Variants in ZNF385D observed in about 807,000 individuals in gnomAD.
ZNF385D encodes zinc finger protein 659.
Under a neutral mutation model 35.8 loss-of-function variants are expected in ZNF385D, and 15 were observed. That is an observed-to-expected ratio of 0.42 (90% CI 0.28 to 0.64). ZNF385D has a LOEUF of 0.64. ZNF385D is among the 30% of genes least tolerant of loss of function. ZNF385D has a pLI of 0.23. For synonymous variants in ZNF385D, 212 were observed against 186.8 expected, an observed-to-expected ratio of 1.13 and a Z score of -1.10; for missense variants, 474 against 494.6, an observed-to-expected ratio of 0.96 and a Z score of 0.39.
At chr3:21,795,469 T>C (rs539442639) in intron 3 of ZNF385D, among the ~76,000 whole-genome samples, 109 of 152,248 alleles carry the variant, frequency 7.2e-4, no homozygotes, top group Non-Finnish European at 1.2e-3. Context: ...AAAGAAAAGC[T>C]GGGTCTAAAA....
At chr3:22,354,650 C>A (rs1273025091) in intron 2 of ZNF385D, among the ~76,000 whole-genome samples, 1 of 151,936 alleles carries the variant, frequency 6.6e-6, no homozygotes, top group East Asian at 1.9e-4. Flanking sequence ...CCATCAGGCA[C>A]GTTGTCTTCA....
intron 2 of ZNF385D, among the ~76,000 whole-genome samples, chr3:22,296,519 G>A (rs1271568712): frequency 2.0e-5 from 3 of 152,114 alleles, no homozygotes; most frequent in East Asian, 1.9e-4. Context: ...GACAGGGAAC[G>A]CCTTCAGACC....
chr3:22,095,723 T>C (rs1701582645), intron 3 of ZNF385D, among the ~76,000 whole-genome samples: 1 of 152,066 alleles, frequency 6.6e-6, no homozygotes, highest in Admixed American at 6.6e-5. Context: ...AAGTATTCTT[T>C]ATTTTCTTTC....
intron 3 of ZNF385D, among the ~76,000 whole-genome samples, chr3:21,542,103 T>G (rs1376017391): frequency 6.6e-6 from 1 of 152,142 alleles, no homozygotes; most frequent in Non-Finnish European, 1.5e-5. Context: ...AAAACAAGCT[T>G]TCAGAATCAT....
intron 1 of ZNF385D, among the ~76,000 whole-genome samples, chr3:21,695,756 A>ATT (rs1559526848): frequency 1.4e-5 from 2 of 142,930 alleles, no homozygotes; most frequent in East Asian, 2.2e-4. Flanking sequence ...TTAAATATAT[A>ATT]TTATATATAT....
chr3:21,939,514 A>G (rs761634858), intron 3 of ZNF385D, among the ~76,000 whole-genome samples: 1 of 152,208 alleles, frequency 6.6e-6, no homozygotes, highest in African/African-American at 2.4e-5. Flanking sequence ...ATTGTAAATT[A>G]TAAGTTGCAT....
chr3:21,792,359 C>G (rs991851633), intron 3 of ZNF385D, among the ~76,000 whole-genome samples: 1 of 152,142 alleles, frequency 6.6e-6, no homozygotes, highest in Non-Finnish European at 1.5e-5. Flanking sequence ...TCCCCTACCC[C>G]ACTACAGCCC....
intron 3 of ZNF385D, among the ~76,000 whole-genome samples, chr3:22,036,466 A>G (rs1315868809): frequency 6.6e-6 from 1 of 152,322 alleles, no homozygotes; most frequent in East Asian, 1.9e-4. Context: ...CGAGAAATTC[A>G]CAAACCAAGG....
intron 2 of ZNF385D, among the ~76,000 whole-genome samples, chr3:22,293,012 A>T (rs1003469022): frequency 1.4e-4 from 22 of 152,076 alleles, no homozygotes; most frequent in African/African-American, 5.3e-4. Flanking sequence ...ATCTCCATTG[A>T]TTTCAACAGT....
At chr3:22,209,534 A>G (rs1697379011) in intron 2 of ZNF385D, among the ~76,000 whole-genome samples, 1 of 151,914 alleles carries the variant, frequency 6.6e-6, no homozygotes, top group Non-Finnish European at 1.5e-5. Context: ...GGAAAAAAAT[A>G]TAAACATGAA....
At chr3:22,101,493 G>A (rs1701943212) in intron 3 of ZNF385D, among the ~76,000 whole-genome samples, 2 of 152,060 alleles carry the variant, frequency 1.3e-5, no homozygotes, top group Admixed American at 6.6e-5. Flanking sequence ...ATCAGCAGAT[G>A]TAAGGTTTAA....
At chr3:22,123,927 TCTCTCTCTC>T (rs1703254602) in intron 3 of ZNF385D, among the ~76,000 whole-genome samples, 1 of 54,300 alleles carries the variant, frequency 1.8e-5, no homozygotes, top group Non-Finnish European at 3.8e-5. Context: ...ACTCCATCTC[TCTCTCTCTC>T]TCTCTCTCTC....
At chr3:21,948,741 C>G (rs1221531656) in intron 3 of ZNF385D, among the ~76,000 whole-genome samples, 1 of 151,988 alleles carries the variant, frequency 6.6e-6, no homozygotes, top group Non-Finnish European at 1.5e-5. Context: ...TTCTCAATTT[C>G]ATTGTTCACT....
intron 2 of ZNF385D, among the ~76,000 whole-genome samples, chr3:22,349,254 T>C (rs1266435075): frequency 1.3e-5 from 2 of 152,118 alleles, no homozygotes; most frequent in East Asian, 3.9e-4. Context: ...GGCTGAATAG[T>C]AGCAGCAGCA....
chr3:22,318,488 G>C lies in ZNF385D; in HGVS notation c.106+53962C>G, dbSNP rs149317395. Among the ~76,000 whole-genome samples, 42 of 152,234 alleles carry C rather than the reference G, an allele frequency of 2.8e-4. 1 individual carries two copies. The East Asian group carries it at 7.9e-3, about 29-fold the overall frequency. On this transcript the variant is annotated intron_variant, in intron 2 of 5. Transcript: ENST00000494108. ...AAAATTATGGAGCTGGAGATGTGGA[G>C]AATAAACTAGGAGATAAATTAAATT...
At chr3:21,818,160 A>C (rs917298429) in intron 3 of ZNF385D, among the ~76,000 whole-genome samples, 2 of 150,632 alleles carry the variant, frequency 1.3e-5, no homozygotes, top group Non-Finnish European at 3.0e-5. Context: ...GGGGAACACC[A>C]CACACGGGGG....
chr3:21,699,115 A>T (rs368755334), intron 1 of ZNF385D, among the ~76,000 whole-genome samples: 4 of 152,216 alleles, frequency 2.6e-5, no homozygotes, highest in East Asian at 1.9e-4. Context: ...TAGACTGGAT[A>T]AAGAAAATGT....
chr3:21,752,342 T>G (rs1443205956), upstream of ZNF385D, among the ~76,000 whole-genome samples: 1 of 152,154 alleles, frequency 6.6e-6, no homozygotes, highest in Non-Finnish European at 1.5e-5. Flanking sequence ...AACAAAGAAC[T>G]GTAGTCTATG....
At chr3:22,260,716 C>T (rs953898209) in intron 2 of ZNF385D, among the ~76,000 whole-genome samples, 2 of 151,848 alleles carry the variant, frequency 1.3e-5, no homozygotes, top group African/African-American at 2.4e-5. Context: ...AAAATACCTT[C>T]TAATTTACCT....
Sources: gnomAD v4.1 joint callset for allele counts (sites outside exome capture counted in the v4.1 genomes callset) on GRCh38, gnomAD v4.1.1 for gene constraint, MANE v1.5 for transcripts, NCBI Gene and HGNC (gene_info 2026-07-23, HGNC 2026-07-21) for gene names.